The following SEPTIN2 variants were observed in gnomAD, a reference collection of about 807,000 sequenced individuals.
SEPTIN2 encodes the protein septin-2.
Under a neutral mutation model 46.5 loss-of-function variants are expected in SEPTIN2, and 34 were observed. That is an observed-to-expected ratio of 0.73 (90% CI 0.56 to 0.97). The LOEUF is 0.97. SEPTIN2 is among the 50% of genes least tolerant of loss of function. The probability of loss-of-function intolerance (pLI) is 0.00; values close to 1 mark genes in which losing one functional copy is unlikely to be tolerated. For missense variants in SEPTIN2, 347 were observed against 448.4 expected (o/e 0.77, Z 2.04); for synonymous variants, 175 against 153.4 (o/e 1.14, Z -1.04).
At chr2:241,321,366 A>G (rs190547536) in intron 1 of SEPTIN2, among the ~76,000 whole-genome samples, 4 of 152,160 alleles carry the variant, frequency 2.6e-5, no homozygotes, top group Non-Finnish European at 5.9e-5. Flanking sequence ...CATCTTCCCT[A>G]TAAATTGTTT....
intron 7 of SEPTIN2, among the ~76,000 whole-genome samples, chr2:241,340,736 G>A (rs560034267): frequency 3.3e-5 from 5 of 152,188 alleles, no homozygotes; most frequent in African/African-American, 1.2e-4. Flanking sequence ...GAAATACTTC[G>A]AGCTTTTATC....
At chr2:241,317,822 A>G (rs1378306552) in intron 1 of SEPTIN2, among the ~76,000 whole-genome samples, 1 of 152,110 alleles carries the variant, frequency 6.6e-6, no homozygotes, top group African/African-American at 2.4e-5. Context: ...TTTTATGTGT[A>G]TTGGGGTTAT....
Position 241,343,859 on chromosome 2 carries a change from A to G in SEPTIN2, c.804A>G (p.Pro268=). 6.2e-7 allele frequency: 1 copy of G among 1,614,230 alleles called. No individual in the cohort carries two copies. Among genetic ancestry groups the G allele is most frequent in the Non-Finnish European group, 8.5e-7 (1 of 1,180,024 alleles). ...YPWGVVEVEN[P]EHNDFLKLRT... is the part of the protein sequence containing the mutation. ...GGGGTGTTGTGGAAGTGGAGAACCCAGAGCACAATGACTTTCTGAAGCTGA... is the reference window on the plus strand; with the variant it reads ...GGGGTGTTGTGGAAGTGGAGAACCCGGAGCACAATGACTTTCTGAAGCTGA... Residue 268 remains proline, a synonymous_variant, in exon 9 of 13, where the codon CCA becomes CCG. Transcript: ENST00000391971.
chr2:241,337,591 T>C (rs902607541), intron 6 of SEPTIN2, 75 bp downstream of exon 6: 15 of 1,581,226 alleles, frequency 9.5e-6, no homozygotes, highest in Non-Finnish European at 1.3e-5. Flanking sequence ...TGTATTTTAA[T>C]ATAAGAATTA....
At chr2:241,345,506 A>G (rs1281211248) in intron 9 of SEPTIN2, among the ~76,000 whole-genome samples, 2 of 152,208 alleles carry the variant, frequency 1.3e-5, no homozygotes, top group African/African-American at 2.4e-5. Flanking sequence ...GGCTATCTCA[A>G]TCCATTTCCC....
In SEPTIN2 at chr2:241,338,694, ATATT is replaced by A. The variant is rs1180987524; in HGVS notation, c.594+905_594+908del. Among the ~76,000 whole-genome samples, 13 of 117,784 alleles carry A rather than the reference ATATT, an allele frequency of 1.1e-4. No homozygotes were observed. In the South Asian group the frequency reaches 2.1e-3, roughly 19 times the overall value. 77.3% of individuals were successfully genotyped at this position (117,784 alleles called of 152,430 possible). Reference sequence around the variant, plus strand: ...ATTATTTATATTACATATGTAATATATATTATATTTATATTATTTATATAATATA... The same window carrying A: ...ATTATTTATATTACATATGTAATATAATATTTATATTATTTATATAATATA... On this transcript the variant is annotated intron_variant, in intron 7 of 12. Coordinates refer to ENST00000391971, the MANE Select transcript of SEPTIN2 (RefSeq NM_004404.5).
rs113182635 is a variant in SEPTIN2 at position 241,348,192 on chromosome 2, G to A, written c.984+1G>A. On this transcript the variant is annotated splice_donor_variant, in intron 11 of 12. Coordinates refer to ENST00000391971, the MANE Select transcript of SEPTIN2 (RefSeq NM_004404.5). LOFTEE classifies it high-confidence loss of function. ...GATCTTGCTGGAAAAAGAAGCTGAG[G>A]TAAGTAGGAAAGTACTATTGGTTGG... 2 of 1,611,466 alleles carry A rather than the reference G, an allele frequency of 1.2e-6. No homozygotes were observed. The highest frequency in any genetic ancestry group is 1.7e-6 in the Non-Finnish European group (2 of 1,178,494).
At chr2:241,342,534 ATTTTTTTTTTTTTTTT>A (rs548033372) in intron 7 of SEPTIN2, among the ~76,000 whole-genome samples, 2 of 86,986 alleles carry the variant, frequency 2.3e-5, no homozygotes, top group African/African-American at 4.3e-5. Context: ...AGTTTTGTAA[ATTTTTTTTTTTTTTTT>A]TTTTTTTTGA....
At chr2:241,315,871 G>A (rs914968648), upstream of SEPTIN2, 7 of 150,810 alleles carry the variant, frequency 4.6e-5, no homozygotes, top group Non-Finnish European at 7.4e-5. Flanking sequence ...GACGCAATCC[G>A]CCTGCGCGCT....
intron 8 of SEPTIN2, among the ~76,000 whole-genome samples, chr2:241,343,511 A>AT: frequency 6.6e-6 from 1 of 152,016 alleles, no homozygotes; most frequent in East Asian, 1.9e-4. Context: ...AAAAAAAAAA[A>AT]TTTGATACAG....
intron 3 of SEPTIN2, among the ~76,000 whole-genome samples, chr2:241,327,737 A>G (rs1296683335): frequency 1.3e-5 from 2 of 152,068 alleles, no homozygotes; most frequent in Non-Finnish European, 2.9e-5. Flanking sequence ...GACCATAGAT[A>G]AACAGAAAGG....
In SEPTIN2 at chr2:241,319,232, G is replaced by C. The variant is rs190514873; in HGVS notation, c.-18+3250G>C. Among the ~76,000 whole-genome samples, 486 of 152,260 alleles carry C rather than the reference G, an allele frequency of 3.2e-3. 3 individuals are homozygous for C. The highest frequency in any genetic ancestry group is 0.011 in the African/African-American group (461 of 41,552). Reference sequence around the variant, plus strand: ...AAGAACTAGCTATGTGTAATGGTTTGTCATTTTTAGGAGCCCTTATTTTTA... The same window carrying C: ...AAGAACTAGCTATGTGTAATGGTTTCTCATTTTTAGGAGCCCTTATTTTTA... On this transcript the variant is annotated intron_variant, in intron 1 of 12. Coordinates refer to ENST00000391971, the MANE Select transcript of SEPTIN2 (RefSeq NM_004404.5).
At position 241,335,991 on chromosome 2, in the gene SEPTIN2, T is replaced by A. The variant is rs1218760283; in HGVS notation, c.234T>A (p.Thr78=). The A allele has an allele frequency of 6.2e-7, 1 of 1,614,138 alleles. No individual in the cohort carries two copies. The change falls in exon 5 of 13, where the codon ACT becomes ACA. Residue 78 remains threonine (T), a synonymous_variant. Coordinates refer to ENST00000391971, the MANE Select transcript of SEPTIN2 (RefSeq NM_004404.5). Reference sequence around the variant, plus strand: ...CTTTTCTAGAAAAAATTGAAAGAACTGTCCAGATTGAGGCTTCAACTGTTG... The same window carrying A: ...CTTTTCTAGAAAAAATTGAAAGAACAGTCCAGATTGAGGCTTCAACTGTTG... ...IPGAAEKIER[T]VQIEASTVEI... is the part of the protein sequence containing the mutation.
At chr2:241,321,417 T>G (rs1371037514) in intron 1 of SEPTIN2, among the ~76,000 whole-genome samples, 1 of 152,224 alleles carries the variant, frequency 6.6e-6, no homozygotes, top group African/African-American at 2.4e-5. Flanking sequence ...ATTCTGCTTA[T>G]TTTTACTTTA....
At chr2:241,319,547 T>A (rs141985702) in intron 1 of SEPTIN2, among the ~76,000 whole-genome samples, 2 of 152,256 alleles carry the variant, frequency 1.3e-5, no homozygotes, top group Non-Finnish European at 2.9e-5. Context: ...GAAAACAGTA[T>A]TTGCCTTTGG....
chr2:241,315,974 GTT>G lies in SEPTIN2; in HGVS notation c.-24_-23del. On this transcript the variant is annotated 5_prime_UTR_variant, in exon 1 of 13. Transcript: ENST00000391971. The stretch of plus-strand genomic sequence containing the variant: ...GTCGGTCGGCGCCTGTTCTCGGGCT[GTT>G]TGGCGGGTGAGTGTCTCGCCGGTGT... The G allele has an allele frequency of 6.6e-6, 1 of 152,580 alleles. No homozygotes were observed. The highest frequency in any genetic ancestry group is 1.9e-4 in the East Asian group (1 of 5,186). The allele number at this position is 152,580 out of a possible 1,614,324, so 9.5% of individuals were successfully genotyped here.
At chr2:241,346,397 T>G in intron 10 of SEPTIN2, 148 bp downstream of exon 10, 1 of 538,366 alleles carries the variant, frequency 1.9e-6, no homozygotes, top group Non-Finnish European at 3.3e-6. Flanking sequence ...GTTGTTAATT[T>G]AATCAAATTA....
intron 1 of SEPTIN2, chr2:241,316,547 A>G (rs1462663539): frequency 9.9e-6 from 15 of 1,519,012 alleles, no homozygotes; most frequent in African/African-American, 1.4e-5. Flanking sequence ...GAAGGTCTGC[A>G]CCAGCGAGGC....
chr2:241,347,403 C>G (rs1575393496), intron 10 of SEPTIN2, among the ~76,000 whole-genome samples: 1 of 152,166 alleles, frequency 6.6e-6, no homozygotes, highest in Admixed American at 6.5e-5. Context: ...AAATTCCACC[C>G]TCTGGAAGCT....
Sources: allele counts gnomAD v4.1 joint callset (sites outside exome capture counted in the v4.1 genomes callset), GRCh38; gene constraint gnomAD v4.1.1; transcripts MANE v1.5; gene names NCBI Gene and HGNC (gene_info 2026-07-23, HGNC 2026-07-21).